ETV6: variants seen among roughly 807,000 people sequenced by gnomAD.
ETV6 encodes ETS variant transcription factor 6, also known as transcription factor ETV6.
ETV6 carries 16 observed loss-of-function variants against 51.1 expected under a neutral mutation model. The observed-to-expected ratio is 0.31, with a 90% CI of 0.21 to 0.48. The LOEUF is 0.48. Ranked by LOEUF, ETV6 falls within the 20% of genes least tolerant of loss-of-function variation. The pLI is 0.99. For missense variants in ETV6, 458 were observed against 594.8 expected, an observed-to-expected ratio of 0.77 and a Z score of 2.39; for synonymous variants, 240 against 224.1, an observed-to-expected ratio of 1.07 and a Z score of -0.64.
At chr12:11,887,031 C>T (rs1947200062) in intron 7 of ETV6, among the ~76,000 whole-genome samples, 1 of 151,986 alleles carries the variant, frequency 6.6e-6, no homozygotes, top group Admixed American at 6.6e-5. Flanking sequence ...TTGGAAAGAG[C>T]AGAGAATCTG....
intron 1 of ETV6, among the ~76,000 whole-genome samples, chr12:11,709,728 C>T (rs901542411): frequency 4.6e-5 from 7 of 152,168 alleles, no homozygotes; most frequent in Non-Finnish European, 1.0e-4. Flanking sequence ...CTCCGTAATG[C>T]GGGTAGGCCT....
intron 2 of ETV6, chr12:11,752,911 T>C: frequency 4.9e-6 from 1 of 204,676 alleles, no homozygotes; most frequent in Non-Finnish European, 9.8e-6. Context: ...ATCTGTATTC[T>C]CAAATTCACG....
chr12:11,729,384 C>T (rs1412824936), intron 1 of ETV6, among the ~76,000 whole-genome samples: 2 of 152,120 alleles, frequency 1.3e-5, no homozygotes, highest in Non-Finnish European at 2.9e-5. Context: ...TTTTTGGAAG[C>T]CCCTTAGAAC....
At chr12:11,742,993 A>G (rs1865839011) in intron 1 of ETV6, among the ~76,000 whole-genome samples, 1 of 151,812 alleles carries the variant, frequency 6.6e-6, no homozygotes, top group Non-Finnish European at 1.5e-5. Flanking sequence ...TTTTTTGTAG[A>G]GACGGGGTTT....
chr12:11,728,442 C>T (rs775826650), intron 1 of ETV6, among the ~76,000 whole-genome samples: 1 of 151,412 alleles, frequency 6.6e-6, no homozygotes, highest in Non-Finnish European at 1.5e-5. Context: ...ATTAGATTCT[C>T]GTAAGAGCAC....
intron 3 of ETV6, among the ~76,000 whole-genome samples, chr12:11,850,058 G>A (rs1231312450): frequency 6.6e-6 from 1 of 152,158 alleles, no homozygotes; most frequent in African/African-American, 2.4e-5. Flanking sequence ...TCGTGACCCA[G>A]TACCCAGGAC....
Position 11,892,370 on chromosome 12 carries a change from AT to A in ETV6, c.*1330del. On this transcript the variant is annotated 3_prime_UTR_variant, in exon 8 of 8. Coordinates refer to ENST00000396373, the MANE Select transcript of ETV6 (RefSeq NM_001987.5). The stretch of plus-strand genomic sequence containing the variant: ...AGACAGGAAATTCCTCGGATACATT[AT>A]TTTTTCTTTCTTTCATAGCTGTGTC... 4.3e-6 allele frequency: 1 copy of A among 232,278 alleles called. No individual in the cohort carries two copies. The highest frequency in any genetic ancestry group is 8.5e-6 in the Non-Finnish European group (1 of 117,878). 14.4% of individuals were successfully genotyped at this position (232,278 alleles called of 1,614,324 possible).
chr12:11,732,688 C>A (rs904143357), intron 1 of ETV6, among the ~76,000 whole-genome samples: 4 of 152,122 alleles, frequency 2.6e-5, no homozygotes, highest in African/African-American at 9.7e-5. Flanking sequence ...CACAGACCAC[C>A]CCGTCCTCCT....
chr12:11,833,099 G>C (rs554521130), intron 2 of ETV6, among the ~76,000 whole-genome samples: 1 of 152,290 alleles, frequency 6.6e-6, no homozygotes, highest in African/African-American at 2.4e-5. Flanking sequence ...CTTACAGTTG[G>C]GTTCCAAGTG....
At chr12:11,674,936 G>A (rs1864391697) in intron 1 of ETV6, among the ~76,000 whole-genome samples, 2 of 152,168 alleles carry the variant, frequency 1.3e-5, no homozygotes, top group African/African-American at 4.8e-5. Flanking sequence ...CCTAATGTTG[G>A]AGGAAAGCTG....
At chr12:11,872,834 T>C (rs1043573139) in intron 5 of ETV6, among the ~76,000 whole-genome samples, 6 of 151,978 alleles carry the variant, frequency 3.9e-5, no homozygotes, top group Admixed American at 3.3e-4. Flanking sequence ...CCAATATCAG[T>C]GTTTGATGAT....
At position 11,892,173 on chromosome 12, in the gene ETV6, A is replaced by G. The variant is rs191387762; in HGVS notation, c.*1127A>G. ...GAAAAGCTCCTCTCTGCTCCATTCC[A>G]AAGGCCATCTTGTGGTCAGTTTCAT... is the stretch of plus-strand genomic sequence containing the variant. On this transcript the variant is annotated 3_prime_UTR_variant, in exon 8 of 8. Coordinates refer to ENST00000396373, the MANE Select transcript of ETV6 (RefSeq NM_001987.5). 7 of 232,116 alleles carry G rather than the reference A, an allele frequency of 3.0e-5. No homozygotes were observed. The highest frequency in any genetic ancestry group is 5.9e-5 in the Non-Finnish European group (7 of 117,932). 14.4% of individuals were successfully genotyped at this position (232,116 alleles called of 1,614,324 possible).
chr12:11,867,315 C>CT (rs1946803190), intron 4 of ETV6, among the ~76,000 whole-genome samples: 1 of 152,136 alleles, frequency 6.6e-6, no homozygotes, highest in Non-Finnish European at 1.5e-5. Context: ...GATTCTGATG[C>CT]TAGTCCTTAG....
intron 2 of ETV6, among the ~76,000 whole-genome samples, chr12:11,800,942 A>G (rs1239175921): frequency 6.6e-6 from 1 of 152,216 alleles, no homozygotes. Flanking sequence ...AAAAGCAAGA[A>G]TAGTTTGCAG....
chr12:11,731,545 AT>A (rs948843838), intron 1 of ETV6, among the ~76,000 whole-genome samples: 4 of 151,648 alleles, frequency 2.6e-5, no homozygotes, highest in African/African-American at 9.7e-5. Context: ...AGAAAGAATA[AT>A]TTTTTTTCTT....
At chr12:11,711,471 A>G (rs559819582) in intron 1 of ETV6, among the ~76,000 whole-genome samples, 1 of 152,188 alleles carries the variant, frequency 6.6e-6, no homozygotes, top group African/African-American at 2.4e-5. Context: ...TTTTTGGAAC[A>G]TTTTCCTTCC....
Position 11,669,389 on chromosome 12 carries a change from C to CCCTCCCTCCTTT in ETV6, c.33+19234_33+19235insCTCCTTTCCTCC, listed in dbSNP as rs1555112301. On this transcript the variant is annotated intron_variant, in intron 1 of 7. Transcript: ENST00000396373. Reference sequence around the variant, plus strand: ...TTCCTCCCTTCCTCCCTCCCTCCCTCCCTCCTTTCCTCCTTTCCTCCCTTC... The same window carrying CCCTCCCTCCTTT: ...TTCCTCCCTTCCTCCCTCCCTCCCTCCCTCCCTCCTTTCCTCCTTTCCTCCTTTCCTCCCTTC... Among the ~76,000 whole-genome samples, 6 of 138,846 alleles carry CCCTCCCTCCTTT rather than the reference C, an allele frequency of 4.3e-5. No homozygotes were observed. In the South Asian group the frequency reaches 1.5e-3, roughly 35 times the overall value. 91.1% of individuals were successfully genotyped at this position (138,846 alleles called of 152,430 possible). A position where few individuals can be genotyped will look rare whatever the true frequency, so the allele number is the denominator to read the frequency against.
intron 3 of ETV6, among the ~76,000 whole-genome samples, chr12:11,840,272 T>C (rs1946370247): frequency 6.6e-6 from 1 of 152,116 alleles, no homozygotes; most frequent in African/African-American, 2.4e-5. Context: ...ACCTGCAGAG[T>C]GTATTGCTCA....
At chr12:11,661,622 T>C (rs926283577) in intron 1 of ETV6, among the ~76,000 whole-genome samples, 1 of 152,220 alleles carries the variant, frequency 6.6e-6, no homozygotes, top group Non-Finnish European at 1.5e-5. Context: ...ACACCTCCAG[T>C]CCCCTGGACA....
Sources: gnomAD v4.1 joint callset for allele counts (sites outside exome capture counted in the v4.1 genomes callset) on GRCh38, gnomAD v4.1.1 for gene constraint, MANE v1.5 for transcripts, NCBI Gene and HGNC (gene_info 2026-07-23, HGNC 2026-07-21) for gene names.